Variants in KLHL14 observed in about 807,000 individuals in gnomAD.
KLHL14 encodes kelch like family member 14.
Under a neutral mutation model 64.3 loss-of-function variants are expected in KLHL14, and 22 were observed. The ratio of observed to expected loss-of-function variants is 0.34; its 90% CI spans 0.24 to 0.49. The LOEUF is 0.49. Among genes scored for constraint, KLHL14 ranks in the 20% least tolerant of loss-of-function variants. KLHL14 has a pLI of 0.99. For missense variants in KLHL14, 661 were observed against 789.0 expected (o/e 0.84, Z 1.94); for synonymous variants, 322 against 333.4 (o/e 0.97, Z 0.37).
At chr18:32,705,284 G>A (rs2144494842) in intron 3 of KLHL14, among the ~76,000 whole-genome samples, 1 of 152,318 alleles carries the variant, frequency 6.6e-6, no homozygotes, top group African/African-American at 2.4e-5. Flanking sequence ...AATGTTGAAT[G>A]TTCCCAACAC....
intron 3 of KLHL14, among the ~76,000 whole-genome samples, chr18:32,728,567 T>A (rs2050118647): frequency 6.6e-6 from 1 of 152,202 alleles, no homozygotes; most frequent in Non-Finnish European, 1.5e-5. Flanking sequence ...GTGAACATGA[T>A]ATTATTTGGA....
At chr18:32,755,786 G>T (rs2050278653) in intron 2 of KLHL14, among the ~76,000 whole-genome samples, 1 of 152,092 alleles carries the variant, frequency 6.6e-6, no homozygotes, top group African/African-American at 2.4e-5. Flanking sequence ...GATATATTTT[G>T]TTAAAAAGCT....
intron 4 of KLHL14, among the ~76,000 whole-genome samples, chr18:32,693,407 CACACACAGAGAG>C (rs1298853951): frequency 2.3e-3 from 272 of 119,794 alleles, no homozygotes; most frequent in African/African-American, 8.5e-3. Context: ...CACACACACA[CACACACAGAGAG>C]AGAGAGAGAG....
At chr18:32,693,413 C>CACACACAGAGAGAGAGAG (rs1229737083) in intron 4 of KLHL14, among the ~76,000 whole-genome samples, 77 of 97,018 alleles carry the variant, frequency 7.9e-4, no homozygotes, top group African/African-American at 3.2e-3. Context: ...CACACACACA[C>CACACACAGAGAGAGAGAG]AGAGAGAGAG....
chr18:32,760,278 T>G (rs141064517), intron 2 of KLHL14, among the ~76,000 whole-genome samples: 60 of 151,888 alleles, frequency 4.0e-4, no homozygotes, highest in African/African-American at 1.4e-3. Context: ...CAGAAATCAC[T>G]CTATAGAAAA....
At chr18:32,755,998 C>T (rs1416593034) in intron 2 of KLHL14, among the ~76,000 whole-genome samples, 1 of 152,022 alleles carries the variant, frequency 6.6e-6, no homozygotes, top group African/African-American at 2.4e-5. Context: ...AGTTAATTTC[C>T]CTGTTTTCTA....
In KLHL14 at chr18:32,708,749, T is replaced by C. The variant is rs553800898; in HGVS notation, c.1070-13197A>G. 5.4e-3 allele frequency among the ~76,000 whole-genome samples: 815 copies of C among 152,300 alleles called. 29 individuals carry two copies. Among genetic ancestry groups the C allele is most frequent in the Admixed American group, 0.048 (732 of 15,304 alleles). ...CACTGGAGCTGAAAGGAGAACACTT[T>C]CTTTTCTGATCACAAATCCTGGAGC... On this transcript the variant is annotated intron_variant, in intron 3 of 8. Coordinates refer to ENST00000359358, the MANE Select transcript of KLHL14 (RefSeq NM_020805.3).
intron 3 of KLHL14, among the ~76,000 whole-genome samples, chr18:32,722,652 A>G (rs2050085528): frequency 6.6e-6 from 1 of 152,202 alleles, no homozygotes; most frequent in Non-Finnish European, 1.5e-5. Flanking sequence ...GGGAGAGGAA[A>G]AAAAAACAGC....
chr18:32,707,811 TG>T (rs1568070246), intron 3 of KLHL14, among the ~76,000 whole-genome samples: 1 of 152,170 alleles, frequency 6.6e-6, no homozygotes, highest in East Asian at 1.9e-4. Flanking sequence ...TAACCTTTGG[TG>T]GTTTTGCTTT....
intron 3 of KLHL14, chr18:32,738,833 T>A (rs1212830121): frequency 6.6e-6 from 1 of 152,142 alleles, no homozygotes; most frequent in Non-Finnish European, 1.5e-5. Context: ...CACTATTACT[T>A]AAGTGTACCC....
intron 3 of KLHL14, among the ~76,000 whole-genome samples, chr18:32,723,736 T>C (rs1459836992): frequency 2.0e-5 from 3 of 152,148 alleles, no homozygotes; most frequent in Admixed American, 6.5e-5. Context: ...ATGAGCCCAA[T>C]TGAACAGTGC....
intron 3 of KLHL14, among the ~76,000 whole-genome samples, chr18:32,728,319 C>T (rs1357005899): frequency 3.3e-5 from 5 of 152,168 alleles, no homozygotes; most frequent in Non-Finnish European, 7.3e-5. Context: ...TGCCATTTAC[C>T]ATCTGTGTGA....
At chr18:32,675,174 C>T (rs933306435) in intron 8 of KLHL14, among the ~76,000 whole-genome samples, 2 of 152,000 alleles carry the variant, frequency 1.3e-5, no homozygotes, top group East Asian at 3.9e-4. Context: ...GGCAACATAG[C>T]AAGACCTCAT....
chr18:32,766,367 A>C (rs1404488735), intron 2 of KLHL14, among the ~76,000 whole-genome samples: 11 of 152,058 alleles, frequency 7.2e-5, no homozygotes, highest in African/African-American at 2.7e-4. Context: ...TAAACACTGC[A>C]TATCATGTCG....
At chr18:32,736,912 A>G (rs937063950) in intron 3 of KLHL14, among the ~76,000 whole-genome samples, 9 of 151,978 alleles carry the variant, frequency 5.9e-5, no homozygotes, top group Non-Finnish European at 1.2e-4. Flanking sequence ...GAATTTCTGT[A>G]TGTATCTCTT....
At chr18:32,695,259 G>C (rs1036189671) in intron 4 of KLHL14, among the ~76,000 whole-genome samples, 8 of 152,130 alleles carry the variant, frequency 5.3e-5, no homozygotes, top group Non-Finnish European at 1.2e-4. Flanking sequence ...GACAGTTGAT[G>C]AGTGATCGCT....
rs1476087853 is a variant in KLHL14 at position 32,772,127 on chromosome 18, C to T, written c.-44+540G>A. The stretch of plus-strand genomic sequence containing the variant: ...CCGCCGGCCCGCCGGCCCGCCCGCC[C>T]GGGGGAGAGCCGCCGCCGCCGCCCG... On this transcript the variant is annotated intron_variant, in intron 1 of 8. Coordinates refer to ENST00000359358, the MANE Select transcript of KLHL14 (RefSeq NM_020805.3). The T allele has an allele frequency of 1.6e-5, 4 of 251,910 alleles. 1 individual carries two copies. The highest frequency in any genetic ancestry group is 1.6e-5 in the Non-Finnish European group (2 of 128,760). 15.6% of individuals were successfully genotyped at this position (251,910 alleles called of 1,614,324 possible). A position where few individuals can be genotyped will look rare whatever the true frequency, so the allele number is the denominator to read the frequency against.
intron 2 of KLHL14, among the ~76,000 whole-genome samples, chr18:32,760,030 C>T (rs575781456): frequency 9.5e-4 from 144 of 152,142 alleles, no homozygotes; most frequent in Non-Finnish European, 2.0e-3. Context: ...TTAATCCCAT[C>T]GCTTTGCACA....
At chr18:32,715,572 ATTGTT>A (rs1430463898) in intron 3 of KLHL14, among the ~76,000 whole-genome samples, 1 of 152,118 alleles carries the variant, frequency 6.6e-6, no homozygotes, top group African/African-American at 2.4e-5. Flanking sequence ...TATATAATAA[ATTGTT>A]TTAAGTTAGG....
Sources: allele counts gnomAD v4.1 joint callset (sites outside exome capture counted in the v4.1 genomes callset), GRCh38; gene constraint gnomAD v4.1.1; transcripts MANE v1.5; gene names NCBI Gene and HGNC (gene_info 2026-07-23, HGNC 2026-07-21).